The following VCPIP1 variants were observed in gnomAD, a reference collection of about 807,000 sequenced individuals.
The protein encoded by VCPIP1 is valosin containing protein interacting protein 1.
VCPIP1 carries 8 observed loss-of-function variants against 85.0 expected under a neutral mutation model. The ratio of observed to expected loss-of-function variants is 0.09; its 90% CI spans 0.06 to 0.17. VCPIP1 has a LOEUF of 0.17. VCPIP1 is among the 10% of genes least tolerant of loss of function. VCPIP1 has a pLI of 1.00. For missense variants in VCPIP1, 1,070 were observed against 1,486.3 expected, an observed-to-expected ratio of 0.72 and a Z score of 4.61; for synonymous variants, 543 against 544.5, an observed-to-expected ratio of 1.00 and a Z score of 0.04.
chr8:66,647,589 C>T (rs1213077633), intron 2 of VCPIP1, among the ~76,000 whole-genome samples: 1 of 152,046 alleles, frequency 6.6e-6, no homozygotes, highest in Non-Finnish European at 1.5e-5. Flanking sequence ...TAGAACCACA[C>T]ATATAGTCAG....
At chr8:66,641,002 C>T (rs760568263) in intron 2 of VCPIP1, among the ~76,000 whole-genome samples, 22 of 152,224 alleles carry the variant, frequency 1.4e-4, no homozygotes, top group Non-Finnish European at 3.2e-4. Flanking sequence ...TAAAAGGGCA[C>T]ACTGTTAACA....
At chr8:66,658,312 C>T (rs1467095751) in intron 1 of VCPIP1, among the ~76,000 whole-genome samples, 3 of 139,218 alleles carry the variant, frequency 2.2e-5, no homozygotes, top group Non-Finnish European at 3.0e-5. Context: ...CCAGCCTGAG[C>T]GACAGAGCAA....
At chr8:66,663,689 T>C (rs1215730017) in intron 1 of VCPIP1, among the ~76,000 whole-genome samples, 1 of 152,180 alleles carries the variant, frequency 6.6e-6, no homozygotes, top group African/African-American at 2.4e-5. Context: ...ACTTGAGTAG[T>C]GAAATTACTT....
At chr8:66,652,004 T>C (rs1811058504) in intron 1 of VCPIP1, among the ~76,000 whole-genome samples, 1 of 139,772 alleles carries the variant, frequency 7.2e-6, no homozygotes, top group African/African-American at 2.8e-5. Flanking sequence ...CGAAACTCTA[T>C]CTCTACAAAA....
At chr8:66,653,218 TTTAATA>T (rs149639658) in intron 1 of VCPIP1, among the ~76,000 whole-genome samples, 12,430 of 152,154 alleles carry the variant, frequency 0.082, 995 homozygotes, top group African/African-American at 0.2. Flanking sequence ...CACACAGAAG[TTTAATA>T]TTAATAAGAG....
intron 2 of VCPIP1, among the ~76,000 whole-genome samples, chr8:66,651,178 T>G (rs1586626471): frequency 8.3e-6 from 1 of 121,164 alleles, no homozygotes; most frequent in South Asian, 2.6e-4. Flanking sequence ...AGAACGAAAT[T>G]CCATCTCAAA....
At chr8:66,635,956 C>CAGTG (rs1204169004) in intron 2 of VCPIP1, among the ~76,000 whole-genome samples, 1 of 148,694 alleles carries the variant, frequency 6.7e-6, no homozygotes, top group Non-Finnish European at 1.5e-5. Context: ...AGGCCAGGTG[C>CAGTG]AGTGGCTCAT....
At position 66,666,131 on chromosome 8, in the gene VCPIP1, C is replaced by G. The variant is rs1378007523; in HGVS notation, c.828G>C (p.Leu276=). ...WEDIINECDP[L]FVPPEGVPLG... ...AGGGAACACCCTCAGGTGGTACAAA[C>G]AGAGGGTCACACTCATTGATAATGT... The change falls in exon 1 of 3, where the codon CTG becomes CTC. Residue 276 remains leucine (L), a synonymous_variant. Coordinates refer to ENST00000310421, the MANE Select transcript of VCPIP1 (RefSeq NM_025054.5). The surrounding 1 kb of genome is among the most constrained non-coding windows in gnomAD (Gnocchi z 6.3). 6.2e-7 allele frequency: 1 copy of G among 1,614,072 alleles called. No individual in the cohort carries two copies.
intron 2 of VCPIP1, among the ~76,000 whole-genome samples, chr8:66,644,207 A>G (rs1810973291): frequency 6.6e-6 from 1 of 152,182 alleles, no homozygotes; most frequent in Admixed American, 6.5e-5. Context: ...TCTACCAAAA[A>G]ACAGAAGAAA....
At chr8:66,658,110 C>T (rs183318178) in intron 1 of VCPIP1, among the ~76,000 whole-genome samples, 5 of 152,026 alleles carry the variant, frequency 3.3e-5, no homozygotes, top group Middle Eastern at 3.4e-3. Context: ...CCCAGGTGGG[C>T]GGATCACGAG....
At chr8:66,652,157 C>T (rs2130168797) in intron 1 of VCPIP1, among the ~76,000 whole-genome samples, 1 of 152,260 alleles carries the variant, frequency 6.6e-6, no homozygotes, top group Middle Eastern at 3.4e-3. Flanking sequence ...CATCACTGCA[C>T]TCTACCCTGC....
intron 1 of VCPIP1, among the ~76,000 whole-genome samples, chr8:66,655,090 T>C (rs1811087184): frequency 6.6e-6 from 1 of 152,242 alleles, no homozygotes; most frequent in African/African-American, 2.4e-5. Flanking sequence ...GGTACCCTTG[T>C]TTGATGCTCC....
In VCPIP1 at chr8:66,666,875, C is replaced by A. The variant is rs1318423301; in HGVS notation, c.84G>T (p.Ala28=). The change falls in exon 1 of 3, where the codon GCG becomes GCT. Residue 28 remains alanine (A), a synonymous_variant. Transcript: ENST00000310421. This position sits in a 1 kb window ranked among gnomAD's most constrained non-coding sequence, Gnocchi z 6.3. ...PEAPQTPSSL[A]SAAASGGLLK... ...AAAGCCCCCCCGAAGCAGCCGCCGA[C>A]GCCAAGGACGACGGAGTCTGTGGAG... 3.1e-6 allele frequency: 5 copies of A among 1,612,786 alleles called. No homozygotes were observed. Among genetic ancestry groups the A allele is most frequent in the Non-Finnish European group, 4.2e-6 (5 of 1,179,886 alleles).
chr8:66,640,718 G>A (rs1810938704), intron 2 of VCPIP1, among the ~76,000 whole-genome samples: 1 of 147,648 alleles, frequency 6.8e-6, no homozygotes, highest in Non-Finnish European at 1.5e-5. Context: ...TTGACGGGGG[G>A]TACTTCAGGG....
chr8:66,665,216 A>G lies in VCPIP1; in HGVS notation c.1743T>C (p.Asp581=), dbSNP rs766892604. 2 of 1,613,950 alleles carry G rather than the reference A, an allele frequency of 1.2e-6. No homozygotes were observed. Among genetic ancestry groups the G allele is most frequent in the Non-Finnish European group, 1.7e-6 (2 of 1,179,992 alleles). ...KCGCGFKHFW[D]GKEYDNLPEA... is the part of the protein sequence containing the mutation. ...CTGGTAGATTGTCATACTCCTTACC[A>G]TCCCAAAAGTGTTTGAATCCACAAC... Residue 581 remains aspartate, a synonymous_variant, in exon 1 of 3, where the codon GAT becomes GAC. Transcript: ENST00000310421. The surrounding 1 kb of genome is among the most constrained non-coding windows in gnomAD (Gnocchi z 4.3).
chr8:66,646,954 GGC>G, intron 2 of VCPIP1, among the ~76,000 whole-genome samples: 1 of 152,164 alleles, frequency 6.6e-6, no homozygotes, highest in East Asian at 1.9e-4. Flanking sequence ...GAACCCAGGA[GGC>G]AGAGGTTGCA....
Position 66,666,812 on chromosome 8 carries a change from G to A in VCPIP1, c.147C>T (p.Cys49=), listed in dbSNP as rs757069742. The A allele has an allele frequency of 2.5e-6, 4 of 1,614,004 alleles. No individual in the cohort carries two copies. Among genetic ancestry groups the A allele is most frequent in the Non-Finnish European group, 2.5e-6 (3 of 1,179,972 alleles). Residue 49 remains cysteine, a synonymous_variant, in exon 1 of 3, where the codon TGC becomes TGT. Coordinates refer to ENST00000310421, the MANE Select transcript of VCPIP1 (RefSeq NM_025054.5). This position sits in a 1 kb window ranked among gnomAD's most constrained non-coding sequence, Gnocchi z 6.3. ...GACGCGCCTGACACTTCGGATCCGG[G>A]CAGCTCCCGGAAAGGATTCTCCGGT... is the stretch of plus-strand genomic sequence containing the variant. ...RRDRRILSGS[C]PDPKCQARLF...
At chr8:66,663,451 CTAAGT>C (rs1811176964) in intron 1 of VCPIP1, among the ~76,000 whole-genome samples, 2 of 152,168 alleles carry the variant, frequency 1.3e-5, no homozygotes, top group East Asian at 1.9e-4. Flanking sequence ...GTAAAGCATA[CTAAGT>C]TATTTCAAAA....
Position 66,665,441 on chromosome 8 carries a change from T to C in VCPIP1, c.1518A>G (p.Lys506=). 1 of 1,614,214 alleles carries C rather than the reference T, an allele frequency of 6.2e-7. No individual in the cohort carries two copies. Among genetic ancestry groups the C allele is most frequent in the Non-Finnish European group, 8.5e-7 (1 of 1,180,036 alleles). Reference sequence around the variant, plus strand: ...AATTGTTCAAGGGAAAGCTGTAATTTTTGTCAGTCCTCAGCTGTCCATGAG... The same window carrying C: ...AATTGTTCAAGGGAAAGCTGTAATTCTTGTCAGTCCTCAGCTGTCCATGAG... ...KSTHGQLRTD[K]NYSFPLNNLV... The change falls in exon 1 of 3, where the codon AAA becomes AAG. Residue 506 remains lysine, a synonymous_variant. Coordinates refer to ENST00000310421, the MANE Select transcript of VCPIP1 (RefSeq NM_025054.5). The surrounding 1 kb of genome is among the most constrained non-coding windows in gnomAD (Gnocchi z 4.3).
Sources: allele counts gnomAD v4.1 joint callset (sites outside exome capture counted in the v4.1 genomes callset), GRCh38; gene constraint gnomAD v4.1.1; non-coding constraint Gnocchi (gnomAD v3.1); transcripts MANE v1.5; gene names NCBI Gene and HGNC (gene_info 2026-07-23, HGNC 2026-07-21).